Variants in NEGR1 observed in about 807,000 individuals in gnomAD.
NEGR1 encodes IgLON family member 4.
Under a neutral mutation model 40.9 loss-of-function variants are expected in NEGR1, and 10 were observed. That is an observed-to-expected ratio of 0.24 (90% CI 0.15 to 0.42). The LOEUF (loss-of-function observed/expected upper bound fraction) is 0.42. Among genes scored for constraint, NEGR1 ranks in the 10% least tolerant of loss-of-function variants. NEGR1 has a pLI of 1.00. For missense variants in NEGR1, 352 were observed against 438.9 expected (o/e 0.80, Z 1.77); for synonymous variants, 185 against 166.8 (o/e 1.11, Z -0.84).
intron 5 of NEGR1, among the ~76,000 whole-genome samples, chr1:71,597,482 G>GTGTGTGTGTGTT (rs1649762895): frequency 7.4e-6 from 1 of 135,676 alleles, no homozygotes; most frequent in African/African-American, 2.9e-5. Context: ...CTGTGTGTGT[G>GTGTGTGTGTGTT]TGTGTGTGTG....
intron 1 of NEGR1, among the ~76,000 whole-genome samples, chr1:72,155,518 T>A (rs1363626313): frequency 6.6e-6 from 1 of 152,082 alleles, no homozygotes. Flanking sequence ...GCATTAATTA[T>A]ATTTGATTTA....
chr1:71,504,920 A>G lies in NEGR1; in HGVS notation c.940+87897T>C, dbSNP rs565834978. Reference sequence around the variant, plus strand: ...GAATAGAGGAAGGACAAGTAAAAGTAATGACGGGCCTCCTAACAGAGGAGG... The same window carrying G: ...GAATAGAGGAAGGACAAGTAAAAGTGATGACGGGCCTCCTAACAGAGGAGG... On this transcript the variant is annotated intron_variant, in intron 6 of 6. Coordinates refer to ENST00000357731, the MANE Select transcript of NEGR1 (RefSeq NM_173808.3). 1.1e-4 allele frequency among the ~76,000 whole-genome samples: 16 copies of G among 152,282 alleles called. No homozygotes were observed. In the South Asian group the frequency reaches 3.3e-3, roughly 32 times the overall value.
intron 3 of NEGR1, among the ~76,000 whole-genome samples, chr1:71,717,295 CA>C (rs1209674306): frequency 6.6e-6 from 1 of 152,222 alleles, no homozygotes; most frequent in Admixed American, 6.5e-5. Flanking sequence ...ATACTGTTTA[CA>C]TGTCCTCTAT....
At chr1:71,505,572 C>T (rs1053905535) in intron 6 of NEGR1, among the ~76,000 whole-genome samples, 10 of 152,190 alleles carry the variant, frequency 6.6e-5, no homozygotes, top group African/African-American at 2.2e-4. Context: ...TGAGCCACCG[C>T]GCCCGGCCCC....
At chr1:72,173,153 T>C (rs1172721699) in intron 1 of NEGR1, among the ~76,000 whole-genome samples, 1 of 150,730 alleles carries the variant, frequency 6.6e-6, no homozygotes, top group Non-Finnish European at 1.5e-5. Flanking sequence ...ACTACAGGTG[T>C]GTGCCAGCAC....
intron 4 of NEGR1, among the ~76,000 whole-genome samples, chr1:71,674,158 T>C (rs922329474): frequency 1.3e-5 from 2 of 152,292 alleles, no homozygotes; most frequent in African/African-American, 4.8e-5. Flanking sequence ...GACCTAGATA[T>C]ATTCTTCCCA....
chr1:71,994,487 T>C (rs1055490447), intron 1 of NEGR1, among the ~76,000 whole-genome samples: 6 of 150,060 alleles, frequency 4.0e-5, no homozygotes, highest in Admixed American at 1.3e-4. Context: ...GAGATGGCAC[T>C]ACCGCACTCC....
chr1:72,228,595 G>T (rs921161350), intron 1 of NEGR1, among the ~76,000 whole-genome samples: 1 of 152,046 alleles, frequency 6.6e-6, no homozygotes, highest in South Asian at 2.1e-4. Flanking sequence ...AATCAGTACA[G>T]ATTTTGGCAC....
chr1:71,451,347 T>TG (rs1225055592), intron 6 of NEGR1, among the ~76,000 whole-genome samples: 1 of 151,410 alleles, frequency 6.6e-6, no homozygotes, highest in African/African-American at 2.4e-5. Flanking sequence ...TTTTTTTTTT[T>TG]TTTGAGTCAA....
chr1:71,937,932 C>G (rs1645922982), intron 1 of NEGR1, among the ~76,000 whole-genome samples: 1 of 151,936 alleles, frequency 6.6e-6, no homozygotes, highest in African/African-American at 2.4e-5. Context: ...AACCAGTAGT[C>G]TTAGCATAAG....
chr1:71,503,895 C>T (rs992079659), intron 6 of NEGR1, among the ~76,000 whole-genome samples: 1 of 151,446 alleles, frequency 6.6e-6, no homozygotes, highest in Non-Finnish European at 1.5e-5. Context: ...CAAGAAGTCT[C>T]GCCAGCTGAA....
intron 3 of NEGR1, among the ~76,000 whole-genome samples, chr1:71,727,786 C>T (rs1029604300): frequency 2.0e-5 from 3 of 152,104 alleles, no homozygotes; most frequent in South Asian, 2.1e-4. Flanking sequence ...AAGGCAAAAG[C>T]GATCTTATTC....
intron 2 of NEGR1, among the ~76,000 whole-genome samples, chr1:71,834,470 AT>A (rs1243645408): frequency 1.6e-5 from 2 of 123,718 alleles, no homozygotes; most frequent in Admixed American, 8.8e-5. Context: ...CCTGCCAACC[AT>A]TTTTTTTTCC....
chr1:72,091,024 T>C (rs1648467322), intron 1 of NEGR1, among the ~76,000 whole-genome samples: 1 of 152,184 alleles, frequency 6.6e-6, no homozygotes, highest in Non-Finnish European at 1.5e-5. Context: ...TATCATCACC[T>C]GCATCTGATA....
intron 6 of NEGR1, among the ~76,000 whole-genome samples, chr1:71,570,019 TCTATGTACTTAATTTCTTGATGC>T (rs1648760264): frequency 6.6e-6 from 1 of 152,192 alleles, no homozygotes; most frequent in Non-Finnish European, 1.5e-5. Flanking sequence ...ATGACTGTCA[TCTATGTACTTAATTTCTTGATGC>T]CTATTTCCTT....
intron 3 of NEGR1, among the ~76,000 whole-genome samples, chr1:71,768,422 T>C (rs1211037870): frequency 6.6e-6 from 1 of 152,138 alleles, no homozygotes; most frequent in Non-Finnish European, 1.5e-5. Context: ...CAGAAATGCA[T>C]AGGGCCTGTA....
intron 1 of NEGR1, among the ~76,000 whole-genome samples, chr1:72,031,651 G>T (rs1646859834): frequency 6.6e-6 from 1 of 152,086 alleles, no homozygotes. Context: ...TATCTCATGT[G>T]AAATCCTTTT....
chr1:71,630,985 T>C (rs192029222), intron 4 of NEGR1, among the ~76,000 whole-genome samples: 1 of 152,034 alleles, frequency 6.6e-6, no homozygotes, highest in Non-Finnish European at 1.5e-5. Flanking sequence ...CAGTAAATTA[T>C]TATAACTAGC....
At chr1:72,152,875 G>T (rs116090551) in intron 1 of NEGR1, among the ~76,000 whole-genome samples, 3 of 151,824 alleles carry the variant, frequency 2.0e-5, no homozygotes, top group African/African-American at 7.2e-5. Context: ...GTAAATTAAC[G>T]CAGGGACAGA....
Sources: gnomAD v4.1 joint callset for allele counts (sites outside exome capture counted in the v4.1 genomes callset) on GRCh38, gnomAD v4.1.1 for gene constraint, MANE v1.5 for transcripts, NCBI Gene and HGNC (gene_info 2026-07-23, HGNC 2026-07-21) for gene names.